The following CFAP47 variants were observed in gnomAD, a reference collection of about 807,000 sequenced individuals.
CFAP47 encodes the protein cilia and flagella associated protein 47, also known as cilia- and flagella-associated protein 47.
In CFAP47, 29 loss-of-function variants were observed where a neutral mutation model predicts 148.1. That is an observed-to-expected ratio of 0.20 (90% CI 0.15 to 0.27). The LOEUF is 0.27. Ranked by LOEUF, CFAP47 falls within the 10% of genes least tolerant of loss-of-function variation. The probability of loss-of-function intolerance (pLI) is 1.00; values close to 1 mark genes in which losing one functional copy is unlikely to be tolerated. For missense variants in CFAP47, 1,872 were observed against 1,697.5 expected (o/e 1.10, Z -1.81); for synonymous variants, 664 against 577.3 (o/e 1.15, Z -2.15).
At chrX:36,262,541 A>T (rs1201136633) in intron 49 of CFAP47, among the ~76,000 whole-genome samples, 1 of 112,367 alleles carries the variant, frequency 8.9e-6, no homozygotes, top group African/African-American at 3.2e-5. Flanking sequence ...TACAAATAAC[A>T]GGATCTCATT....
At chrX:36,098,508 T>TA (rs973527504) in intron 30 of CFAP47, among the ~76,000 whole-genome samples, 4 of 110,646 alleles carry the variant, frequency 3.6e-5, no homozygotes, top group African/African-American at 9.9e-5. Flanking sequence ...GGACTAGAGT[T>TA]AAAAAAAACT....
At chrX:36,380,695 G>A (rs1256675910) in intron 63 of CFAP47, among the ~76,000 whole-genome samples, 2 of 112,021 alleles carry the variant, frequency 1.8e-5, no homozygotes, top group Non-Finnish European at 1.9e-5. Flanking sequence ...CACCCGCCTC[G>A]GCCTCCCAAA....
At chrX:36,324,201 T>C (rs782796200) in intron 57 of CFAP47, among the ~76,000 whole-genome samples, 1 of 112,036 alleles carries the variant, frequency 8.9e-6, no homozygotes, top group Admixed American at 9.5e-5. Context: ...AATAAAGTTA[T>C]AGGACTTGCA....
intron 11 of CFAP47, 72 bp downstream of exon 11, chrX:35,970,995 C>A: frequency 2.4e-6 from 2 of 841,305 alleles, no homozygotes; most frequent in South Asian, 5.3e-5. Context: ...TTTTTAACTC[C>A]TTGGTTTCTT....
At chrX:36,186,442 T>C (rs1939807664) in intron 40 of CFAP47, among the ~76,000 whole-genome samples, 1 of 111,919 alleles carries the variant, frequency 8.9e-6, no homozygotes, top group African/African-American at 3.2e-5. Context: ...GAAACACCTA[T>C]GTATATCAAG....
At chrX:36,170,285 TTTTA>T (rs1422534576) in intron 39 of CFAP47, among the ~76,000 whole-genome samples, 1 of 111,747 alleles carries the variant, frequency 8.9e-6, no homozygotes, top group African/African-American at 3.3e-5. Flanking sequence ...TGGTGGTTCT[TTTTA>T]TTTATTTATT....
chrX:36,293,528 A>G lies in CFAP47; in HGVS notation c.7687-5449A>G, dbSNP rs782776940. Among the ~76,000 whole-genome samples, 3 of 112,093 alleles carry G rather than the reference A, an allele frequency of 2.7e-5. No homozygotes were observed. The South Asian group carries it at 1.1e-3, about 42-fold the overall frequency. On this transcript the variant is annotated intron_variant, in intron 51 of 63. Coordinates refer to ENST00000378653, the MANE Select transcript of CFAP47 (RefSeq NM_001304548.2). Reference sequence around the variant, plus strand: ...TTCCTACGTATAGCTGGAGAAAAAGAAAGCAGAGAGAAGAGAATTTCCAAT... The same window carrying G: ...TTCCTACGTATAGCTGGAGAAAAAGGAAGCAGAGAGAAGAGAATTTCCAAT...
At chrX:35,936,638 T>TA (rs1569206808) in intron 2 of CFAP47, among the ~76,000 whole-genome samples, 2 of 111,313 alleles carry the variant, frequency 1.8e-5, no homozygotes, top group Non-Finnish European at 3.8e-5. Flanking sequence ...GGGTCTTATT[T>TA]AAATCTGTTA....
intron 62 of CFAP47, among the ~76,000 whole-genome samples, chrX:36,369,837 G>A (rs1275601711): frequency 2.7e-5 from 3 of 111,649 alleles, no homozygotes; most frequent in Admixed American, 9.6e-5. Flanking sequence ...GGTTACAAAG[G>A]GGTCACTATA....
At chrX:35,952,181 C>A (rs1249548148) in intron 6 of CFAP47, among the ~76,000 whole-genome samples, 1 of 111,449 alleles carries the variant, frequency 9.0e-6, no homozygotes, top group Non-Finnish European at 1.9e-5. Context: ...TTAAAAATAT[C>A]CCTAGACCTT....
chrX:36,361,131 T>A (rs1257208655), intron 60 of CFAP47, among the ~76,000 whole-genome samples, 199 bp from the exon 61 acceptor site: 2 of 111,492 alleles, frequency 1.8e-5, no homozygotes, highest in Non-Finnish European at 3.8e-5. Context: ...TTCATTTATT[T>A]ATTAACTTGT....
chrX:36,277,902 G>A (rs1199359332), intron 49 of CFAP47, among the ~76,000 whole-genome samples: 1 of 111,962 alleles, frequency 8.9e-6, no homozygotes, highest in African/African-American at 3.2e-5. Context: ...AGTAGAGGCT[G>A]CAGAACAGCA....
intron 21 of CFAP47, among the ~76,000 whole-genome samples, chrX:36,010,037 G>A (rs751183066): frequency 9.0e-6 from 1 of 110,944 alleles, no homozygotes; most frequent in African/African-American, 3.3e-5. Context: ...TAACAGGGTC[G>A]ACCATCTTAA....
intron 8 of CFAP47, among the ~76,000 whole-genome samples, chrX:35,959,254 G>T (rs1350067869): frequency 9.0e-6 from 1 of 111,676 alleles, no homozygotes; most frequent in East Asian, 2.8e-4. Flanking sequence ...AATTGCAAGA[G>T]TTCTTTATAT....
intron 33 of CFAP47, among the ~76,000 whole-genome samples, chrX:36,115,431 T>A (rs1938623437): frequency 8.9e-6 from 1 of 111,882 alleles, no homozygotes; most frequent in Non-Finnish European, 1.9e-5. Context: ...TTAAAAATAT[T>A]TATGAGGATA....
chrX:36,219,136 A>G (rs782229957), intron 45 of CFAP47, among the ~76,000 whole-genome samples: 1 of 112,021 alleles, frequency 8.9e-6, no homozygotes, highest in East Asian at 2.8e-4. Flanking sequence ...GATTCTCTAC[A>G]GATACAAAAT....
At chrX:36,033,682 CGTT>C (rs897806943) in intron 23 of CFAP47, among the ~76,000 whole-genome samples, 46 of 110,904 alleles carry the variant, frequency 4.1e-4, no homozygotes, top group African/African-American at 1.5e-3. Flanking sequence ...AAAATTGGCT[CGTT>C]GTTTATCCTA....
At chrX:36,350,229 T>C (rs1941732325) in intron 59 of CFAP47, 97 bp downstream of exon 59, 6 of 535,266 alleles carry the variant, frequency 1.1e-5, no homozygotes, top group Non-Finnish European at 1.9e-5. Flanking sequence ...AGAAAGTAGG[T>C]AGTAATGTGA....
chrX:36,361,788 T>A (rs1465911950), intron 61 of CFAP47, among the ~76,000 whole-genome samples: 1 of 112,053 alleles, frequency 8.9e-6, no homozygotes, highest in Non-Finnish European at 1.9e-5. Context: ...AAATCTTTTT[T>A]TAAAAAAGCT....
Sources: gnomAD v4.1 joint callset for allele counts (sites outside exome capture counted in the v4.1 genomes callset) on GRCh38, gnomAD v4.1.1 for gene constraint, MANE v1.5 for transcripts, NCBI Gene and HGNC (gene_info 2026-07-23, HGNC 2026-07-21) for gene names.